The following PARD3B variants were observed in gnomAD, a reference collection of about 807,000 sequenced individuals.
The protein encoded by PARD3B is par-3 family cell polarity regulator beta.
A neutral mutation model predicts 130.2 loss-of-function variants in PARD3B; 103 were observed. That is an observed-to-expected ratio of 0.79 (90% CI 0.67 to 0.93). PARD3B has a LOEUF of 0.93. PARD3B is among the 40% of genes least tolerant of loss of function. The pLI, the probability that PARD3B is intolerant of heterozygous loss-of-function variation, is 0.00. For missense variants in PARD3B, 1,609 were observed against 1,499.2 expected, an observed-to-expected ratio of 1.07 and a Z score of -1.21; for synonymous variants, 583 against 553.2, an observed-to-expected ratio of 1.05 and a Z score of -0.76.
chr2:204,665,706 A>C (rs1559041212), intron 1 of PARD3B, among the ~76,000 whole-genome samples: 1 of 152,178 alleles, frequency 6.6e-6, no homozygotes, highest in Non-Finnish European at 1.5e-5. Flanking sequence ...ACAGTCTGTG[A>C]CCTCTAACTG....
chr2:205,194,082 T>C (rs920121095), intron 15 of PARD3B, among the ~76,000 whole-genome samples: 9 of 152,182 alleles, frequency 5.9e-5, no homozygotes, highest in Non-Finnish European at 1.0e-4. Context: ...GAGAAAAGTA[T>C]GGATACAATA....
At chr2:205,296,603 G>A (rs2041800296) in intron 16 of PARD3B, among the ~76,000 whole-genome samples, 1 of 151,936 alleles carries the variant, frequency 6.6e-6, no homozygotes, top group Non-Finnish European at 1.5e-5. Flanking sequence ...TATGCCTACA[G>A]GACACATGGG....
At chr2:204,793,678 T>C (rs1252655006) in intron 2 of PARD3B, among the ~76,000 whole-genome samples, 1 of 151,992 alleles carries the variant, frequency 6.6e-6, no homozygotes, top group Admixed American at 6.6e-5. Flanking sequence ...TGGCCAATTT[T>C]TTGTATTTTT....
chr2:205,267,353 A>C (rs1479765922), intron 16 of PARD3B, among the ~76,000 whole-genome samples: 1 of 142,198 alleles, frequency 7.0e-6, no homozygotes, highest in Admixed American at 6.9e-5. Flanking sequence ...AGAGAGGGTA[A>C]AACTTACACA....
chr2:205,346,132 A>T (rs542807682), intron 18 of PARD3B, among the ~76,000 whole-genome samples: 1 of 148,080 alleles, frequency 6.8e-6, no homozygotes, highest in Non-Finnish European at 1.5e-5. Flanking sequence ...AGATCCCGCC[A>T]CTGCACTCCA....
intron 15 of PARD3B, among the ~76,000 whole-genome samples, chr2:205,226,632 A>T (rs975502497): frequency 6.6e-6 from 1 of 152,028 alleles, no homozygotes; most frequent in Non-Finnish European, 1.5e-5. Flanking sequence ...TCCCCAGTGT[A>T]TGTTCTTGGC....
intron 2 of PARD3B, among the ~76,000 whole-genome samples, chr2:204,829,245 A>G (rs1029354916): frequency 2.0e-5 from 3 of 152,194 alleles, no homozygotes; most frequent in African/African-American, 4.8e-5. Context: ...ACATTTACTG[A>G]ATGACTATTA....
At position 205,321,617 on chromosome 2, in the gene PARD3B, A is replaced by G. The variant is rs1341031796; in HGVS notation, c.2630+19916A>G. Reference sequence around the variant, plus strand: ...TTAAGTGTACTTTGAAGCTAGGACTATCACTGTATCATTTTATTATACTTT... The same window carrying G: ...TTAAGTGTACTTTGAAGCTAGGACTGTCACTGTATCATTTTATTATACTTT... On this transcript the variant is annotated intron_variant, in intron 18 of 22. Transcript: ENST00000406610. The surrounding 1 kb of genome is among the most constrained non-coding windows in gnomAD (Gnocchi z 4.2). 1.3e-5 allele frequency among the ~76,000 whole-genome samples: 2 copies of G among 152,234 alleles called. No homozygotes were observed. Among genetic ancestry groups the G allele is most frequent in the East Asian group, 1.9e-4 (1 of 5,204 alleles).
chr2:204,635,763 A>C (rs1021103511), intron 1 of PARD3B, among the ~76,000 whole-genome samples: 1 of 152,174 alleles, frequency 6.6e-6, no homozygotes, highest in African/African-American at 2.4e-5. Flanking sequence ...GGATAATAAT[A>C]ATCTACCTCT....
intron 2 of PARD3B, among the ~76,000 whole-genome samples, chr2:204,829,827 G>T (rs946365309): frequency 6.6e-6 from 1 of 151,842 alleles, no homozygotes; most frequent in African/African-American, 2.4e-5. Context: ...GTGAAACCCC[G>T]TCTCTACTAA....
rs1220024111 is a variant in PARD3B at position 204,669,825 on chromosome 2, C to T, written c.121-16356C>T. On this transcript the variant is annotated intron_variant, in intron 1 of 22. Transcript: ENST00000406610. This position sits in a 1 kb window ranked among gnomAD's most constrained non-coding sequence, Gnocchi z 4.3. The stretch of plus-strand genomic sequence containing the variant: ...AAGGGCTGCCAAGTCCTCTTTTACT[C>T]CGAGGAATGAAGAGATGCTGTTTTA... Among the ~76,000 whole-genome samples the T allele has an allele frequency of 6.6e-6, 1 of 151,838 alleles. No individual in the cohort carries two copies. The highest frequency in any genetic ancestry group is 1.5e-5 in the Non-Finnish European group (1 of 67,984).
In PARD3B at chr2:204,746,755, G is replaced by A. The variant is rs1041759838; in HGVS notation, c.222+60473G>A. 2.2e-4 allele frequency among the ~76,000 whole-genome samples: 34 copies of A among 152,154 alleles called. 1 individual carries two copies. Among genetic ancestry groups the A allele is most frequent in the African/African-American group, 8.0e-4 (33 of 41,418 alleles). On this transcript the variant is annotated intron_variant, in intron 2 of 22. Transcript: ENST00000406610. ...AGTGATGACGAGCGTTTTTTCATGT[G>A]TCTGTTGGCTGCATAAATGTCTTCT...
At chr2:205,406,160 T>A (rs781181024) in intron 19 of PARD3B, among the ~76,000 whole-genome samples, 2 of 152,248 alleles carry the variant, frequency 1.3e-5, no homozygotes, top group Non-Finnish European at 2.9e-5. Context: ...CTTGAAGAAC[T>A]GTCACATAGA....
chr2:204,756,861 A>T (rs925076731), intron 2 of PARD3B, among the ~76,000 whole-genome samples: 1 of 152,136 alleles, frequency 6.6e-6, no homozygotes, highest in Admixed American at 6.6e-5. Context: ...ATCCCATCAC[A>T]CAAGTAGTGA....
chr2:205,218,482 G>A lies in PARD3B; in HGVS notation c.2140+25162G>A, dbSNP rs573157984. On this transcript the variant is annotated intron_variant, in intron 15 of 22. Coordinates refer to ENST00000406610, the MANE Select transcript of PARD3B (RefSeq NM_001302769.2). The stretch of plus-strand genomic sequence containing the variant: ...TTTAAAAAATATCAATTGCAAAAAG[G>A]TTACACTTTTGGTTTTTTTACAACT... 2.6e-5 allele frequency among the ~76,000 whole-genome samples: 4 copies of A among 152,126 alleles called. No homozygotes were observed. The South Asian group carries it at 6.2e-4, about 24-fold the overall frequency.
At chr2:205,448,890 G>T (rs1300001015) in intron 20 of PARD3B, among the ~76,000 whole-genome samples, 1 of 152,128 alleles carries the variant, frequency 6.6e-6, no homozygotes, top group African/African-American at 2.4e-5. Flanking sequence ...ATTACGGTTG[G>T]GTGCCGTGGC....
At chr2:205,104,562 G>A (rs1703064839) in intron 5 of PARD3B, 48 bp downstream of exon 5, 5 of 1,276,886 alleles carry the variant, frequency 3.9e-6, no homozygotes, top group Middle Eastern at 1.9e-4. Context: ...TCAATTTGAT[G>A]TGTTTTTTAA....
chr2:205,554,684 C>A (rs1457771603), intron 22 of PARD3B, among the ~76,000 whole-genome samples: 1 of 152,044 alleles, frequency 6.6e-6, no homozygotes, highest in Non-Finnish European at 1.5e-5. Context: ...TCGAAAATAT[C>A]CAAGAAAACA....
chr2:204,726,396 G>A (rs2039229248), intron 2 of PARD3B, among the ~76,000 whole-genome samples: 1 of 152,126 alleles, frequency 6.6e-6, no homozygotes, highest in South Asian at 2.1e-4. Context: ...GTATGTTTTA[G>A]GGCAATGGAG....
Sources: allele counts gnomAD v4.1 joint callset (sites outside exome capture counted in the v4.1 genomes callset), GRCh38; gene constraint gnomAD v4.1.1; non-coding constraint Gnocchi (gnomAD v3.1); transcripts MANE v1.5; gene names NCBI Gene and HGNC (gene_info 2026-07-23, HGNC 2026-07-21).